DNAH5: variants seen among roughly 807,000 people sequenced by gnomAD.
The protein encoded by DNAH5 is axonemal beta dynein heavy chain 5.
Under a neutral mutation model 518.2 loss-of-function variants are expected in DNAH5, and 372 were observed. The observed-to-expected ratio is 0.72, with a 90% CI of 0.66 to 0.78. The LOEUF is 0.78. Ranked by LOEUF, DNAH5 falls within the 30% of genes least tolerant of loss-of-function variation. The probability of loss-of-function intolerance (pLI) is 0.00; values close to 1 mark genes in which losing one functional copy is unlikely to be tolerated. For synonymous variants in DNAH5, 2,039 were observed against 2,025.9 expected (o/e 1.01, Z -0.17); for missense variants, 5,523 against 5,687.0 (o/e 0.97, Z 0.93).
At chr5:13,806,243 G>A (rs921834524) in intron 47 of DNAH5, among the ~76,000 whole-genome samples, 10 of 152,012 alleles carry the variant, frequency 6.6e-5, no homozygotes, top group East Asian at 1.9e-4. Context: ...TCCCAAACAC[G>A]AAAATGCCAC....
At chr5:13,879,762 G>A (rs1771389643) in intron 21 of DNAH5, among the ~76,000 whole-genome samples, 1 of 151,744 alleles carries the variant, frequency 6.6e-6, no homozygotes, top group Admixed American at 6.6e-5. Flanking sequence ...CCAATCTGAG[G>A]AGCAAAAAAT....
intron 61 of DNAH5, among the ~76,000 whole-genome samples, chr5:13,755,514 G>T (rs976572198): frequency 6.6e-6 from 1 of 152,158 alleles, no homozygotes; most frequent in Admixed American, 6.5e-5. Flanking sequence ...TATGATTAAT[G>T]TTCATCTCCA....
rs1742961502 is a variant in DNAH5, at chr5:13,707,559, C to T, written c.13338+564G>A. 6.6e-6 allele frequency among the ~76,000 whole-genome samples: 1 copy of T among 152,130 alleles called. No homozygotes were observed. Among genetic ancestry groups the T allele is most frequent in the African/African-American group, 2.4e-5 (1 of 41,428 alleles). On this transcript the variant is annotated intron_variant, in intron 76 of 78. Coordinates refer to ENST00000265104, the MANE Select transcript of DNAH5 (RefSeq NM_001369.3). This position sits in a 1 kb window ranked among gnomAD's most constrained non-coding sequence, Gnocchi z 4.0. ...CCCCAGAACAGTCCCTACAACCTGC[C>T]CCTCTGCATGCTCCCCCTAGGGATT...
chr5:13,766,068 C>T lies in DNAH5; in HGVS notation c.10009G>A (p.Val3337Met), dbSNP rs754814071. Reference protein sequence around the residue: ...LLLFQRKVSAVKIDLEKSCTM... With the variant: ...LLLFQRKVSAMKIDLEKSCTM... ...CAGCTTTTTTCCAGGTCAATTTTCA[C>T]AGCACTGACTTTCCTTTGAAACAGC... is the stretch of plus-strand genomic sequence containing the variant. Residue 3337 changes from valine (V) to methionine (M), a missense_variant, in exon 59 of 79, where the codon GTG becomes ATG. Physicochemically the swap from Val to Met is conservative, Grantham distance 21 (BLOSUM62 1). This residue lies in a region of DNAH5 where 5,121 missense variants were observed against 5,223.3 expected (regional missense o/e 0.98). Transcript: ENST00000265104. 1.2e-6 allele frequency: 2 copies of T among 1,614,232 alleles called. No homozygotes were observed. Among genetic ancestry groups the T allele is most frequent in the Non-Finnish European group, 1.7e-6 (2 of 1,180,030 alleles).
At chr5:13,824,742 G>A (rs1439429862) in intron 38 of DNAH5, among the ~76,000 whole-genome samples, 1 of 152,226 alleles carries the variant, frequency 6.6e-6, no homozygotes, top group Admixed American at 6.5e-5. Context: ...TATACATAGA[G>A]ATATATGTGC....
rs1320517780 is a variant in DNAH5 at position 13,876,726 on chromosome 5, T to C, written c.3354A>G (p.Lys1118=). 2 of 1,613,868 alleles carry C rather than the reference T, an allele frequency of 1.2e-6. No individual in the cohort carries two copies. The highest frequency in any genetic ancestry group is 1.7e-6 in the Non-Finnish European group (2 of 1,179,892). The change falls in exon 22 of 79, where the codon AAA becomes AAG. Residue 1118 remains lysine, a synonymous_variant. Coordinates refer to ENST00000265104, the MANE Select transcript of DNAH5 (RefSeq NM_001369.3). Reference sequence around the variant, plus strand: ...TAATTGTGCTAAGCACAGAAACTAATTTTACAATCTCTTTGTTTTCAGAAA... The same window carrying C: ...TAATTGTGCTAAGCACAGAAACTAACTTTACAATCTCTTTGTTTTCAGAAA... The part of the protein sequence containing the change: ...KNVSENKEIV[K]LVSVLSTIIN...
chr5:13,970,383 A>G (rs1177528492), intron 1 of DNAH5, among the ~76,000 whole-genome samples: 1 of 151,988 alleles, frequency 6.6e-6, no homozygotes. Context: ...ATTGTTTCAT[A>G]GGTCCTGTGA....
chr5:13,958,028 T>A (rs1215737952), intron 1 of DNAH5, among the ~76,000 whole-genome samples: 1 of 151,962 alleles, frequency 6.6e-6, no homozygotes, highest in East Asian at 1.9e-4. Flanking sequence ...CACATTCTCA[T>A]ATTATTGAAT....
chr5:13,973,019 C>T (rs778853310), intron 1 of DNAH5, among the ~76,000 whole-genome samples: 23 of 152,108 alleles, frequency 1.5e-4, no homozygotes, highest in Admixed American at 2.6e-4. Flanking sequence ...TACGTGACAA[C>T]AGGGGCTTAG....
chr5:13,817,693 A>G lies in DNAH5; in HGVS notation c.6843T>C (p.Asp2281=), dbSNP rs767314487. The change falls in exon 42 of 79, where the codon GAT becomes GAC. Residue 2281 remains aspartate (D), a splice_region_variant and synonymous_variant. Transcript: ENST00000265104. The part of the protein sequence containing the change: ...CIHTLMRAMT[D]CGKPHREMRM... The stretch of plus-strand genomic sequence containing the variant: ...TCATTTCCCGATGTGGTTTTCCACA[A>G]TCTATACCAAGTAAATCCAAATTTT... The G allele has an allele frequency of 3.7e-6, 6 of 1,614,186 alleles. No individual in the cohort carries two copies. Among genetic ancestry groups the G allele is most frequent in the Non-Finnish European group, 5.1e-6 (6 of 1,180,014 alleles).
At chr5:13,750,514 C>T (rs1750063463) in intron 65 of DNAH5, among the ~76,000 whole-genome samples, 2 of 152,152 alleles carry the variant, frequency 1.3e-5, no homozygotes, top group African/African-American at 2.4e-5. Flanking sequence ...AGTCAGTAGC[C>T]TTCAAAAGTT....
At chr5:13,794,636 G>A (rs375917581) in intron 47 of DNAH5, among the ~76,000 whole-genome samples, 1 of 152,156 alleles carries the variant, frequency 6.6e-6, no homozygotes, top group Non-Finnish European at 1.5e-5. Context: ...CTGAGCTTAG[G>A]CAGTGCAAGA....
chr5:13,954,207 C>T (rs1362295948), intron 1 of DNAH5, among the ~76,000 whole-genome samples: 1 of 152,146 alleles, frequency 6.6e-6, no homozygotes, highest in Non-Finnish European at 1.5e-5. Flanking sequence ...TATTAAGCTT[C>T]CCTGATATAC....
chr5:13,746,734 G>C (rs563162248), intron 65 of DNAH5, among the ~76,000 whole-genome samples: 1 of 152,008 alleles, frequency 6.6e-6, no homozygotes, highest in African/African-American at 2.4e-5. Flanking sequence ...CAGGCAATAC[G>C]CTCATGACTC....
In DNAH5 at chr5:13,770,815, G is replaced by A; in HGVS notation, c.9539C>T (p.Ser3180Phe). ...STHVTPKSYL[S>F]FIQGYKFIYG... ...TATGAACTTATAGCCCTGAATAAAG[G>A]AGAGGTATGATTTGGGCGTCACGTG... The change falls in exon 56 of 79, where the codon TCC becomes TTC. Residue 3180 changes from serine to phenylalanine, a missense_variant. Physicochemically the swap from Ser to Phe is radical, Grantham distance 155. This residue lies in a region of DNAH5 where 5,121 missense variants were observed against 5,223.3 expected (regional missense o/e 0.98). Transcript: ENST00000265104. 1.2e-6 allele frequency: 2 copies of A among 1,614,048 alleles called. No homozygotes were observed. Among genetic ancestry groups the A allele is most frequent in the Non-Finnish European group, 8.5e-7 (1 of 1,179,986 alleles).
chr5:13,947,996 G>A (rs772954603), upstream of DNAH5, among the ~76,000 whole-genome samples: 20 of 152,138 alleles, frequency 1.3e-4, no homozygotes, highest in South Asian at 2.1e-4. Context: ...ATCATGACAT[G>A]AGTGTCCTTA....
At chr5:13,763,849 G>A (rs1752116425) in intron 59 of DNAH5, among the ~76,000 whole-genome samples, 1 of 152,204 alleles carries the variant, frequency 6.6e-6, no homozygotes, top group Non-Finnish European at 1.5e-5. Flanking sequence ...AAGAGCAGGG[G>A]CTTTGCCACC....
intron 45 of DNAH5, among the ~76,000 whole-genome samples, chr5:13,809,452 A>C (rs1364838024): frequency 6.6e-6 from 1 of 152,210 alleles, no homozygotes; most frequent in African/African-American, 2.4e-5. Flanking sequence ...AATAGCATGA[A>C]ATATGTATAA....
intron 25 of DNAH5, among the ~76,000 whole-genome samples, chr5:13,867,164 C>A (rs1376905997): frequency 1.3e-5 from 2 of 152,150 alleles, no homozygotes; most frequent in Non-Finnish European, 2.9e-5. Context: ...ACACTGTTAG[C>A]CCTTTTAAAT....
Sources: allele counts gnomAD v4.1 joint callset (sites outside exome capture counted in the v4.1 genomes callset), GRCh38; gene constraint gnomAD v4.1.1; regional missense constraint gnomAD v4.1.1; non-coding constraint Gnocchi (gnomAD v3.1); transcripts MANE v1.5; gene names NCBI Gene and HGNC (gene_info 2026-07-23, HGNC 2026-07-21).